TBC1D23: variants seen among roughly 807,000 people sequenced by gnomAD.
TBC1D23 encodes TBC1 domain family member 23, also known as HCV non-structural protein 4A-transactivated protein 1.
In TBC1D23, 55 loss-of-function variants were observed where a neutral mutation model predicts 91.4. The observed-to-expected ratio is 0.60, with a 90% CI of 0.48 to 0.75. The LOEUF (loss-of-function observed/expected upper bound fraction) is 0.75. Ranked by LOEUF, TBC1D23 falls within the 30% of genes least tolerant of loss-of-function variation. TBC1D23 has a pLI of 0.00. For missense variants in TBC1D23, 725 were observed against 836.1 expected (o/e 0.87, Z 1.64); for synonymous variants, 289 against 281.0 (o/e 1.03, Z -0.28).
At chr3:100,291,756 G>T in intron 5 of TBC1D23, among the ~76,000 whole-genome samples, 1 of 150,460 alleles carries the variant, frequency 6.6e-6, no homozygotes. Context: ...TTAATGTTTG[G>T]CTACATCAAA....
intron 3 of TBC1D23, 30 bp downstream of exon 3, chr3:100,281,877 T>A (rs1213428840): frequency 1.4e-6 from 2 of 1,431,238 alleles, no homozygotes; most frequent in East Asian, 4.7e-5. Flanking sequence ...TCAAGCAGAG[T>A]TAAATTTTGG....
At chr3:100,311,069 A>G (rs1276503556) in intron 14 of TBC1D23, among the ~76,000 whole-genome samples, 2 of 152,218 alleles carry the variant, frequency 1.3e-5, no homozygotes, top group African/African-American at 2.4e-5. Context: ...GTTTAAAAAT[A>G]TCTGTTATAT....
intron 11 of TBC1D23, among the ~76,000 whole-genome samples, chr3:100,302,576 A>AT (rs1705452152): frequency 1.3e-5 from 2 of 151,592 alleles, no homozygotes; most frequent in Admixed American, 6.6e-5. Flanking sequence ...TTGATCTTTT[A>AT]TTTTTTTTCT....
chr3:100,261,115 C>T lies in TBC1D23; in HGVS notation c.53+44C>T, dbSNP rs375592345. 3.8e-5 allele frequency: 60 copies of T among 1,575,772 alleles called. No homozygotes were observed. The Middle Eastern group carries it at 5.2e-4, about 14-fold the overall frequency. On this transcript the variant is annotated intron_variant, in intron 1 of 18. Transcript: ENST00000394144. ...TAATTTCCAATGCCCCTTTATTCTTCCTTCTCACCATCTTGCCGGTCCCCG... is the reference window on the plus strand; with the variant it reads ...TAATTTCCAATGCCCCTTTATTCTTTCTTCTCACCATCTTGCCGGTCCCCG...
Position 100,323,655 on chromosome 3 carries a change from C to T in TBC1D23, c.2087C>T (p.Ala696Val), listed in dbSNP as rs1045228. The change falls in exon 19 of 19, where the codon GCT (alanine) becomes GTT (valine). Residue 696 changes from alanine (A) to valine (V), a missense_variant. Coordinates refer to ENST00000394144, the MANE Select transcript of TBC1D23 (RefSeq NM_001199198.3). ...IKQQIMKVLD[A>V]LES ...CAGCAGATCATGAAAGTTTTGGATG[C>T]TTTGGAAAGTTAATATAAAAGAAAA... 98 of 1,516,726 alleles carry T rather than the reference C, an allele frequency of 6.5e-5. No individual in the cohort carries two copies. The highest frequency in any genetic ancestry group is 8.1e-5 in the Non-Finnish European group (92 of 1,131,086). The allele number at this position is 1,516,726 out of a possible 1,614,324, so 94.0% of individuals were successfully genotyped here.
chr3:100,304,992 C>T (rs2148866185), intron 12 of TBC1D23, 104 bp downstream of exon 12: 1 of 628,632 alleles, frequency 1.6e-6, no homozygotes, highest in South Asian at 1.9e-5. Context: ...AAAGGGTAGA[C>T]TCTTCATTCA....
At chr3:100,267,492 G>A (rs1019809444) in intron 1 of TBC1D23, among the ~76,000 whole-genome samples, 2 of 152,110 alleles carry the variant, frequency 1.3e-5, no homozygotes, top group African/African-American at 4.8e-5. Context: ...TTGATAGTTG[G>A]GTGGAAATCT....
chr3:100,285,897 T>C (rs1216002790), intron 4 of TBC1D23, among the ~76,000 whole-genome samples: 2 of 152,236 alleles, frequency 1.3e-5, no homozygotes, highest in Non-Finnish European at 2.9e-5. Flanking sequence ...CAAAGTACTT[T>C]TAAAACATAC....
chr3:100,299,753 C>A (rs1705383062), intron 10 of TBC1D23, among the ~76,000 whole-genome samples: 1 of 152,176 alleles, frequency 6.6e-6, no homozygotes, highest in Admixed American at 6.5e-5. Flanking sequence ...TCAGGTGATC[C>A]CCCTGCCTCA....
chr3:100,316,172 G>A lies in TBC1D23; in HGVS notation c.1672G>A (p.Glu558Lys), dbSNP rs1705741172. 6.2e-7 allele frequency: 1 copy of A among 1,613,572 alleles called. No individual in the cohort carries two copies. Among genetic ancestry groups the A allele is most frequent in the African/African-American group, 1.3e-5 (1 of 75,038 alleles). The part of the protein sequence containing the change: ...VKPVFSIGDE[E>K]EYDTDEIDSS... ...GCCTGTTTTCAGCATTGGGGATGAAGAAGAATACGACACAGGTGTAGTAAT... is the reference window on the plus strand; with the variant it reads ...GCCTGTTTTCAGCATTGGGGATGAAAAAGAATACGACACAGGTGTAGTAAT... Residue 558 changes from glutamate to lysine, a missense_variant, in exon 16 of 19, where the codon GAA (glutamate) becomes AAA (lysine). Physicochemically the swap from Glu to Lys is moderately conservative, Grantham distance 56. Coordinates refer to ENST00000394144, the MANE Select transcript of TBC1D23 (RefSeq NM_001199198.3).
intron 3 of TBC1D23, among the ~76,000 whole-genome samples, chr3:100,282,185 G>A (rs570077511): frequency 2.6e-5 from 4 of 152,212 alleles, no homozygotes; most frequent in East Asian, 1.9e-4. Flanking sequence ...GGTGGTGGGC[G>A]CCTGTAGTCC....
intron 15 of TBC1D23, among the ~76,000 whole-genome samples, chr3:100,313,969 CCT>C (rs1705677899): frequency 6.6e-6 from 1 of 151,850 alleles, no homozygotes; most frequent in Non-Finnish European, 1.5e-5. Context: ...AGACTTTAAG[CCT>C]ATGTATTGAT....
At chr3:100,269,029 G>A (rs1323843027) in intron 1 of TBC1D23, among the ~76,000 whole-genome samples, 1 of 152,184 alleles carries the variant, frequency 6.6e-6, no homozygotes, top group Non-Finnish European at 1.5e-5. Context: ...TACCATTGGT[G>A]TAATTTGATC....
intron 1 of TBC1D23, chr3:100,261,409 C>T (rs1214605725): frequency 1.4e-5 from 5 of 360,836 alleles, no homozygotes; most frequent in Non-Finnish European, 2.5e-5. Flanking sequence ...TTGGAGTAGG[C>T]TGAAGAAGGA....
chr3:100,272,582 G>C (rs1291069042), intron 1 of TBC1D23, among the ~76,000 whole-genome samples: 2 of 152,150 alleles, frequency 1.3e-5, no homozygotes, highest in Non-Finnish European at 2.9e-5. Flanking sequence ...CAGAGACAAA[G>C]TATAGAGAAA....
chr3:100,277,193 T>G (rs1323754108), intron 1 of TBC1D23, among the ~76,000 whole-genome samples: 1 of 152,238 alleles, frequency 6.6e-6, no homozygotes, highest in Non-Finnish European at 1.5e-5. Flanking sequence ...TGCTATAGAA[T>G]TCTTATCTCT....
At chr3:100,272,314 C>T (rs535072208) in intron 1 of TBC1D23, among the ~76,000 whole-genome samples, 1 of 152,274 alleles carries the variant, frequency 6.6e-6, no homozygotes, top group East Asian at 1.9e-4. Flanking sequence ...TCTTAAGTAG[C>T]AGTTACTTAA....
Position 100,287,896 on chromosome 3 carries a change from C to G in TBC1D23, c.477-2682C>G, listed in dbSNP as rs185833609. 5.7e-3 allele frequency among the ~76,000 whole-genome samples: 867 copies of G among 151,706 alleles called. 9 individuals carry two copies. The highest frequency in any genetic ancestry group is 6.7e-3 in the Non-Finnish European group (454 of 67,888). ...AGCCTCCTGAGTAGCTGGGACTACA[C>G]GTACATGCCACTCTGCCCTGCTTAA... On this transcript the variant is annotated intron_variant, in intron 4 of 18. Transcript: ENST00000394144.
intron 17 of TBC1D23, among the ~76,000 whole-genome samples, chr3:100,320,176 A>G (rs750785606): frequency 1.3e-4 from 20 of 152,064 alleles, no homozygotes; most frequent in Non-Finnish European, 2.6e-4. Context: ...GTCCAGGTCA[A>G]TCATCCTACA....
Sources: allele counts gnomAD v4.1 joint callset (sites outside exome capture counted in the v4.1 genomes callset), GRCh38; gene constraint gnomAD v4.1.1; transcripts MANE v1.5; gene names NCBI Gene and HGNC (gene_info 2026-07-23, HGNC 2026-07-21).